The following NRXN1 variants were observed in gnomAD, a reference collection of about 807,000 sequenced individuals.
NRXN1 encodes neurexin 1.
In NRXN1, 39 loss-of-function variants were observed where a neutral mutation model predicts 150.9. The observed-to-expected ratio is 0.26, with a 90% confidence interval of 0.20 to 0.34. The LOEUF is 0.34. Ranked by LOEUF, NRXN1 falls within the 10% of genes least tolerant of loss-of-function variation. The pLI, the probability that NRXN1 is intolerant of heterozygous loss-of-function variation, is 1.00. For synonymous variants in NRXN1, 924 were observed against 757.0 expected, an observed-to-expected ratio of 1.22 and a Z score of -3.62; for missense variants, 1,815 against 1,949.9, an observed-to-expected ratio of 0.93 and a Z score of 1.30.
intron 17 of NRXN1, among the ~76,000 whole-genome samples, chr2:50,240,448 C>T (rs916207573): frequency 6.6e-6 from 1 of 151,652 alleles, no homozygotes. Context: ...ATTAACTTTG[C>T]ATCAAACTTT....
chr2:50,838,932 A>G (rs1435284248), intron 5 of NRXN1, among the ~76,000 whole-genome samples: 1 of 152,110 alleles, frequency 6.6e-6, no homozygotes, highest in African/African-American at 2.4e-5. Context: ...ACAGTCCCAT[A>G]AGCCAAAACA....
chr2:50,366,087 A>T (rs1001220687), intron 17 of NRXN1, among the ~76,000 whole-genome samples: 1 of 151,466 alleles, frequency 6.6e-6, no homozygotes, highest in African/African-American at 2.4e-5. Flanking sequence ...ATCCAATAGC[A>T]GATAATAAGA....
At chr2:50,560,394 A>C (rs1197164665) in intron 8 of NRXN1, among the ~76,000 whole-genome samples, 1 of 151,134 alleles carries the variant, frequency 6.6e-6, no homozygotes. Flanking sequence ...TAGAAAATGA[A>C]CAAGCCCTGT....
chr2:50,171,103 C>G (rs2060003150), intron 18 of NRXN1, among the ~76,000 whole-genome samples: 1 of 152,056 alleles, frequency 6.6e-6, no homozygotes, highest in Admixed American at 6.6e-5. Flanking sequence ...TCCTTGTCAA[C>G]TTCACATTCA....
chr2:50,611,952 G>C (rs1230938509), intron 8 of NRXN1, among the ~76,000 whole-genome samples: 2 of 152,074 alleles, frequency 1.3e-5, no homozygotes, highest in Admixed American at 1.3e-4. Flanking sequence ...CAGCAATCTA[G>C]GCTGCATTTT....
chr2:50,467,022 A>G (rs1421118467), intron 16 of NRXN1, among the ~76,000 whole-genome samples: 1 of 151,754 alleles, frequency 6.6e-6, no homozygotes, highest in Non-Finnish European at 1.5e-5. Flanking sequence ...ATGCTGCATA[A>G]ATGATACTGT....
At chr2:50,803,449 TAGTA>T (rs1271028170) in intron 5 of NRXN1, among the ~76,000 whole-genome samples, 1 of 152,188 alleles carries the variant, frequency 6.6e-6, no homozygotes, top group African/African-American at 2.4e-5. Flanking sequence ...ATAATCTCTC[TAGTA>T]AGTCTTTCCA....
chr2:50,656,259 G>T, intron 5 of NRXN1: 1 of 641,222 alleles, frequency 1.6e-6, no homozygotes. Flanking sequence ...CCCCTTCTTG[G>T]CTCAAAACCC....
chr2:50,464,261 T>C (rs1320342690), intron 17 of NRXN1, among the ~76,000 whole-genome samples: 1 of 151,790 alleles, frequency 6.6e-6, no homozygotes, highest in Admixed American at 6.6e-5. Flanking sequence ...TATTTCTCCA[T>C]CTACAGTGGC....
chr2:49,999,611 A>T (rs1238488242), intron 21 of NRXN1, among the ~76,000 whole-genome samples: 3 of 152,200 alleles, frequency 2.0e-5, no homozygotes, highest in African/African-American at 7.2e-5. Flanking sequence ...AGACAATAGT[A>T]TAATAAATCA....
intron 5 of NRXN1, among the ~76,000 whole-genome samples, chr2:50,879,818 T>C (rs1679163111): frequency 6.6e-6 from 1 of 151,956 alleles, no homozygotes. Context: ...AAGAATCTTG[T>C]CATGTTGTGT....
chr2:50,306,389 T>G (rs1188755573), intron 17 of NRXN1, among the ~76,000 whole-genome samples: 1 of 152,196 alleles, frequency 6.6e-6, no homozygotes, highest in East Asian at 1.9e-4. Context: ...AAATCCAGCC[T>G]GAAAGTAGTG....
At position 50,347,287 on chromosome 2, in the gene NRXN1, C is replaced by G; in HGVS notation, c.3365-110317G>C. 1 of 1,289,736 alleles carries G rather than the reference C, an allele frequency of 7.8e-7. No homozygotes were observed. The highest frequency in any genetic ancestry group is 1.0e-6 in the Non-Finnish European group (1 of 991,952). 79.9% of individuals were successfully genotyped at this position (1,289,736 alleles called of 1,614,324 possible). A position where few individuals can be genotyped will look rare whatever the true frequency, so the allele number is the denominator to read the frequency against. On this transcript the variant is annotated intron_variant, in intron 17 of 22. Transcript: ENST00000401669. The surrounding 1 kb of genome is among the most constrained non-coding windows in gnomAD (Gnocchi z 4.9). ...CTCGAGAGATACTCCCAAAGAGTTT[C>G]GGGCGAGAGTGCGTGCCGGCGGGTG...
intron 22 of NRXN1, among the ~76,000 whole-genome samples, chr2:49,923,974 T>C (rs1366645057): frequency 6.6e-6 from 1 of 152,210 alleles, no homozygotes; most frequent in East Asian, 1.9e-4. Flanking sequence ...ACAAAGACTA[T>C]AATCCACAGT....
chr2:50,358,172 G>A (rs1340584942), intron 17 of NRXN1, among the ~76,000 whole-genome samples: 1 of 152,162 alleles, frequency 6.6e-6, no homozygotes, highest in East Asian at 1.9e-4. Flanking sequence ...CAGACACCAA[G>A]CTAGCTGCAG....
chr2:50,307,721 C>G (rs2074763776), intron 17 of NRXN1, among the ~76,000 whole-genome samples: 1 of 152,126 alleles, frequency 6.6e-6, no homozygotes, highest in Non-Finnish European at 1.5e-5. Context: ...TCTCAACTGC[C>G]TCCATAATGA....
intron 18 of NRXN1, among the ~76,000 whole-genome samples, chr2:50,210,717 C>G (rs903878606): frequency 6.6e-6 from 1 of 151,376 alleles, no homozygotes; most frequent in Non-Finnish European, 1.5e-5. Flanking sequence ...ACCCTTTCTG[C>G]TGAATACATT....
intron 18 of NRXN1, among the ~76,000 whole-genome samples, chr2:50,097,642 C>CTTT (rs113108927): frequency 6.9e-6 from 1 of 144,878 alleles, no homozygotes; most frequent in Non-Finnish European, 1.5e-5. Flanking sequence ...AGCCCAAACA[C>CTTT]TTTTTTTTTT....
chr2:50,692,510 CAT>C (rs1692219538), intron 5 of NRXN1, among the ~76,000 whole-genome samples: 1 of 152,004 alleles, frequency 6.6e-6, no homozygotes. Context: ...AATTCCCAGA[CAT>C]GTTTAAAATT....
Sources: gnomAD v4.1 joint callset for allele counts (sites outside exome capture counted in the v4.1 genomes callset) on GRCh38, gnomAD v4.1.1 for gene constraint, Gnocchi (gnomAD v3.1) non-coding constraint, MANE v1.5 for transcripts, NCBI Gene and HGNC (gene_info 2026-07-23, HGNC 2026-07-21) for gene names.